The following ARFGEF3 variants were observed in gnomAD, a reference collection of about 807,000 sequenced individuals.
ARFGEF3 encodes brefeldin A-inhibited guanine nucleotide-exchange protein 3.
A neutral mutation model predicts 221.7 loss-of-function variants in ARFGEF3; 96 were observed. The ratio of observed to expected loss-of-function variants is 0.43; its 90% CI spans 0.37 to 0.51. The LOEUF is 0.51. ARFGEF3 is among the 20% of genes least tolerant of loss of function. ARFGEF3 has a pLI of 0.00. For synonymous variants in ARFGEF3, 1,145 were observed against 1,126.8 expected (o/e 1.02, Z -0.32); for missense variants, 2,410 against 2,789.9 (o/e 0.86, Z 3.07).
Position 138,280,850 on chromosome 6 carries a change from TCAAAA to T in ARFGEF3, c.2461+692_2461+696del, listed in dbSNP as rs554953068. On this transcript the variant is annotated intron_variant, in intron 14 of 33. Coordinates refer to ENST00000251691, the MANE Select transcript of ARFGEF3 (RefSeq NM_020340.5). ...TGGGCAACAGGAGCAAGACCCTGTC[TCAAAA>T]CAAAAAGTTGGTTTCCTTCCGTTTA... Among the ~76,000 whole-genome samples, 154 of 152,252 alleles carry T rather than the reference TCAAAA, an allele frequency of 1.0e-3. 1 individual carries two copies. Among genetic ancestry groups the T allele is most frequent in the African/African-American group, 3.6e-3 (150 of 41,576 alleles).
intron 2 of ARFGEF3, among the ~76,000 whole-genome samples, chr6:138,193,826 A>G (rs775669575): frequency 1.4e-4 from 22 of 152,194 alleles, no homozygotes; most frequent in Non-Finnish European, 2.8e-4. Flanking sequence ...AGAGAATATG[A>G]AGTCAGTCTT....
intron 32 of ARFGEF3, among the ~76,000 whole-genome samples, chr6:138,333,503 G>A (rs535451706): frequency 1.8e-4 from 27 of 152,096 alleles, no homozygotes; most frequent in South Asian, 2.1e-4. Flanking sequence ...GTGCAGTGGC[G>A]CGATTTCAGC....
In ARFGEF3 at chr6:138,238,644, C is replaced by T. The variant is rs1241697835; in HGVS notation, c.543+13C>T. Reference sequence around the variant, plus strand: ...GCAGGAGAATACGGTGAGTCTGTGACACCCCCATGTTCATCACCTTCCTGG... The same window carrying T: ...GCAGGAGAATACGGTGAGTCTGTGATACCCCCATGTTCATCACCTTCCTGG... On this transcript the variant is annotated intron_variant, in intron 6 of 33. Transcript: ENST00000251691. 8 of 1,612,210 alleles carry T rather than the reference C, an allele frequency of 5.0e-6. No individual in the cohort carries two copies. The highest frequency in any genetic ancestry group is 6.8e-6 in the Non-Finnish European group (8 of 1,179,158).
At chr6:138,192,111 C>G (rs1432090736) in intron 2 of ARFGEF3, among the ~76,000 whole-genome samples, 1 of 152,122 alleles carries the variant, frequency 6.6e-6, no homozygotes, top group Admixed American at 6.6e-5. Context: ...TGGAAATGTT[C>G]CCACCCAAAG....
intron 2 of ARFGEF3, among the ~76,000 whole-genome samples, chr6:138,181,795 C>T (rs1777084115): frequency 6.6e-6 from 1 of 152,208 alleles, no homozygotes; most frequent in Non-Finnish European, 1.5e-5. Context: ...GTGCATTATT[C>T]TGTGAATTGT....
chr6:138,207,761 T>C (rs554090312), intron 3 of ARFGEF3, among the ~76,000 whole-genome samples: 3 of 152,330 alleles, frequency 2.0e-5, no homozygotes, highest in East Asian at 3.9e-4. Flanking sequence ...AAAAGCACTG[T>C]GAAGTTGAAG....
At chr6:138,217,972 C>T (rs938189569) in intron 4 of ARFGEF3, 1 of 1,581,050 alleles carries the variant, frequency 6.3e-7, no homozygotes, top group African/African-American at 1.4e-5. Context: ...AAAGGCTTTG[C>T]AGCAGGGCTG....
chr6:138,224,625 A>G (rs1778046246), intron 4 of ARFGEF3, among the ~76,000 whole-genome samples: 1 of 152,222 alleles, frequency 6.6e-6, no homozygotes, highest in Non-Finnish European at 1.5e-5. Context: ...GGTATTGAGC[A>G]TGGGCCAAGG....
chr6:138,202,585 A>G (rs1194380152), intron 2 of ARFGEF3, among the ~76,000 whole-genome samples: 1 of 151,772 alleles, frequency 6.6e-6, no homozygotes, highest in Admixed American at 6.6e-5. Flanking sequence ...CCATGTTACT[A>G]CTACAGTAAA....
chr6:138,261,242 GT>G (rs1778784674), intron 10 of ARFGEF3, among the ~76,000 whole-genome samples: 1 of 152,152 alleles, frequency 6.6e-6, no homozygotes, highest in Admixed American at 6.5e-5. Flanking sequence ...AGATCCAAGT[GT>G]TTTCTAGTTC....
intron 4 of ARFGEF3, among the ~76,000 whole-genome samples, chr6:138,222,250 T>A (rs1198999079): frequency 6.6e-6 from 1 of 151,342 alleles, no homozygotes; most frequent in Non-Finnish European, 1.5e-5. Flanking sequence ...CGATAGCTGA[T>A]GAGCTTAAAA....
chr6:138,273,846 A>G (rs1779047084), intron 12 of ARFGEF3, among the ~76,000 whole-genome samples: 1 of 152,220 alleles, frequency 6.6e-6, no homozygotes, highest in Non-Finnish European at 1.5e-5. Flanking sequence ...CCAGTAAACT[A>G]TATCTGACAT....
In ARFGEF3 at chr6:138,338,750, A is replaced by G. The variant is rs1197683847; in HGVS notation, c.*2264A>G. 2 of 151,946 alleles carry G rather than the reference A, an allele frequency of 1.3e-5. No individual in the cohort carries two copies. The highest frequency in any genetic ancestry group is 4.8e-5 in the African/African-American group (2 of 41,276). 9.4% of individuals were successfully genotyped at this position (151,946 alleles called of 1,614,324 possible). On this transcript the variant is annotated 3_prime_UTR_variant, in exon 34 of 34. Coordinates refer to ENST00000251691, the MANE Select transcript of ARFGEF3 (RefSeq NM_020340.5). ...AGGAGGCGGACGTTGCAGTGAGCCA[A>G]GATTGCACCATTGCACTCCAGACTG... is the stretch of plus-strand genomic sequence containing the variant.
chr6:138,191,463 C>G (rs1482385988), intron 2 of ARFGEF3, among the ~76,000 whole-genome samples: 1 of 152,118 alleles, frequency 6.6e-6, no homozygotes, highest in Non-Finnish European at 1.5e-5. Flanking sequence ...GCATCACAGC[C>G]TCTTCTGGCT....
At chr6:138,253,314 TAA>T (rs35531265) in intron 8 of ARFGEF3, among the ~76,000 whole-genome samples, 1 of 147,114 alleles carries the variant, frequency 6.8e-6, no homozygotes, top group South Asian at 2.2e-4. Context: ...GTTTATTAGT[TAA>T]AAAAAAAAAA....
chr6:138,266,356 A>G (rs1562373498), intron 12 of ARFGEF3, among the ~76,000 whole-genome samples: 1 of 152,120 alleles, frequency 6.6e-6, no homozygotes, highest in Middle Eastern at 3.4e-3. Context: ...GGGAAGGGAA[A>G]ACGGAAGGGA....
chr6:138,289,637 C>T (rs371495108), intron 17 of ARFGEF3, among the ~76,000 whole-genome samples, 181 bp from the exon 18 acceptor site: 3 of 152,208 alleles, frequency 2.0e-5, no homozygotes, highest in Non-Finnish European at 2.9e-5. Flanking sequence ...GCCACCAGCA[C>T]GTGGGACCTG....
chr6:138,308,202 G>A (rs757901271), intron 23 of ARFGEF3, among the ~76,000 whole-genome samples: 9 of 152,138 alleles, frequency 5.9e-5, no homozygotes, highest in Non-Finnish European at 1.2e-4. Flanking sequence ...AAACCGTATG[G>A]TTTGTATGAA....
At chr6:138,230,058 T>A (rs1490261386) in intron 5 of ARFGEF3, among the ~76,000 whole-genome samples, 1 of 152,172 alleles carries the variant, frequency 6.6e-6, no homozygotes, top group Non-Finnish European at 1.5e-5. Flanking sequence ...CTCAGAGCCC[T>A]GCATGCTTAC....
Sources: allele counts gnomAD v4.1 joint callset (sites outside exome capture counted in the v4.1 genomes callset), GRCh38; gene constraint gnomAD v4.1.1; transcripts MANE v1.5; gene names NCBI Gene and HGNC (gene_info 2026-07-23, HGNC 2026-07-21).